DNAI4: variants seen among roughly 807,000 people sequenced by gnomAD.
The protein encoded by DNAI4 is WD repeat domain 78.
A neutral mutation model predicts 105.8 loss-of-function variants in DNAI4; 85 were observed. The observed-to-expected ratio is 0.80, with a 90% CI of 0.67 to 0.96. DNAI4 has a LOEUF of 0.96. Ranked by LOEUF, DNAI4 falls within the 40% of genes least tolerant of loss-of-function variation. The pLI is 0.00. For missense variants in DNAI4, 1,014 were observed against 1,005.6 expected (o/e 1.01, Z -0.11); for synonymous variants, 352 against 331.5 (o/e 1.06, Z -0.67).
chr1:66,923,222 T>G (rs189868148), intron 1 of DNAI4, among the ~76,000 whole-genome samples: 1 of 152,238 alleles, frequency 6.6e-6, no homozygotes, highest in Admixed American at 6.5e-5. Context: ...TTCATCATTA[T>G]GCAAACACCA....
intron 4 of DNAI4, among the ~76,000 whole-genome samples, chr1:66,882,946 T>A (rs968891378): frequency 6.3e-4 from 96 of 152,222 alleles, no homozygotes; most frequent in Non-Finnish European, 9.6e-4. Context: ...TTATTTATTT[T>A]TTTTTACTTC....
chr1:66,823,348 G>C (rs1249879259), intron 15 of DNAI4, among the ~76,000 whole-genome samples: 1 of 151,866 alleles, frequency 6.6e-6, no homozygotes, highest in Non-Finnish European at 1.5e-5. Context: ...TTGCTATTGT[G>C]AATAATGCCG....
intron 1 of DNAI4, among the ~76,000 whole-genome samples, chr1:66,914,351 T>C (rs560365946): frequency 4.6e-4 from 70 of 152,334 alleles, no homozygotes; most frequent in African/African-American, 1.7e-3. Context: ...CTAAATCTGC[T>C]GTTACTTTTC....
chr1:66,920,150 G>A (rs896198136), intron 1 of DNAI4, among the ~76,000 whole-genome samples: 1 of 152,166 alleles, frequency 6.6e-6, no homozygotes, highest in Non-Finnish European at 1.5e-5. Flanking sequence ...AGCAGAAAGA[G>A]AAGCAGCTGG....
intron 4 of DNAI4, among the ~76,000 whole-genome samples, chr1:66,881,728 C>T (rs1344308326): frequency 2.6e-5 from 4 of 152,112 alleles, no homozygotes; most frequent in East Asian, 1.9e-4. Flanking sequence ...TGACTTAAGA[C>T]TTGTGGGGAT....
chr1:66,883,968 C>G (rs1350782447), intron 4 of DNAI4, among the ~76,000 whole-genome samples: 1 of 152,130 alleles, frequency 6.6e-6, no homozygotes, highest in Non-Finnish European at 1.5e-5. Flanking sequence ...ACCCTTTGAT[C>G]ATCTTCTCCC....
rs12061415 is a variant in DNAI4 at position 66,892,991 on chromosome 1, A to G, written c.530+238T>C. ...AAAGAAAGAAAGAAAGAAAGAAAGA[A>G]AGAAAGAGAGAAAGAGAGAGAGGAA... On this transcript the variant is annotated intron_variant, in intron 3 of 16. Coordinates refer to ENST00000371026, the MANE Select transcript of DNAI4 (RefSeq NM_024763.5). 9.8e-4 allele frequency among the ~76,000 whole-genome samples: 106 copies of G among 108,046 alleles called. 4 individuals carry two copies. The highest frequency in any genetic ancestry group is 3.6e-3 in the African/African-American group (85 of 23,772). 70.9% of individuals were successfully genotyped at this position (108,046 alleles called of 152,430 possible).
chr1:66,844,550 A>C (rs371858376), intron 8 of DNAI4, among the ~76,000 whole-genome samples: 6 of 152,068 alleles, frequency 3.9e-5, no homozygotes, highest in South Asian at 4.2e-4. Flanking sequence ...GACAGAGAGT[A>C]AGACTCTGTC....
Position 66,833,631 on chromosome 1 carries a change from A to G in DNAI4, c.1967T>C (p.Leu656Ser). 1 of 1,613,460 alleles carries G rather than the reference A, an allele frequency of 6.2e-7. No homozygotes were observed. Among genetic ancestry groups the G allele is most frequent in the Non-Finnish European group, 8.5e-7 (1 of 1,179,622 alleles). The part of the protein sequence containing the change: ...GGEKEKKDEA[L>S]ISRQAPGMCF... ...CATTCCAGGAGCCTGTCGAGATATCAAAGCTTCATCTTTCTTTTCCTTTTC... is the reference window on the plus strand; with the variant it reads ...CATTCCAGGAGCCTGTCGAGATATCGAAGCTTCATCTTTCTTTTCCTTTTC... The change falls in exon 13 of 17, where the codon TTG (leucine) becomes TCG (serine). Residue 656 changes from leucine to serine, a missense_variant. Transcript: ENST00000371026.
At chr1:66,915,991 G>A (rs896269949) in intron 1 of DNAI4, among the ~76,000 whole-genome samples, 1 of 150,554 alleles carries the variant, frequency 6.6e-6, no homozygotes, top group African/African-American at 2.4e-5. Context: ...GTGTGGTGGT[G>A]TGCACCTATA....
intron 13 of DNAI4, among the ~76,000 whole-genome samples, chr1:66,830,739 C>A (rs1231782021): frequency 1.3e-5 from 2 of 151,182 alleles, no homozygotes; most frequent in African/African-American, 2.4e-5. Context: ...CAAGATCACT[C>A]CACTGCACTC....
chr1:66,890,890 A>T lies in DNAI4; in HGVS notation c.643+264T>A, dbSNP rs1490650797. The stretch of plus-strand genomic sequence containing the variant: ...AGGAAGAAGAAGAAGAAGAAGCAGA[A>T]GCAGCAGCAGCAACAGCAGCAGCAG... On this transcript the variant is annotated intron_variant, in intron 4 of 16. Transcript: ENST00000371026. This position sits in a 1 kb window ranked among gnomAD's most constrained non-coding sequence, Gnocchi z 4.1. 6.1e-6 allele frequency: 3 copies of T among 492,856 alleles called. No individual in the cohort carries two copies. Among genetic ancestry groups the T allele is most frequent in the African/African-American group, 2.0e-5 (1 of 50,490 alleles). The allele number at this position is 492,856 out of a possible 1,614,324, so 30.5% of individuals were successfully genotyped here.
At chr1:66,858,532 C>CAAAAAAAAAAAAAAA (rs3033717) in intron 7 of DNAI4, among the ~76,000 whole-genome samples, 10 of 63,544 alleles carry the variant, frequency 1.6e-4, no homozygotes, top group South Asian at 7.1e-4. Flanking sequence ...GACTCCGTCT[C>CAAAAAAAAAAAAAAA]AAAAAAAAAA....
chr1:66,846,997 A>G (rs1020714310), intron 8 of DNAI4, among the ~76,000 whole-genome samples: 6 of 152,234 alleles, frequency 3.9e-5, no homozygotes, highest in African/African-American at 1.4e-4. Context: ...AGAAAGTAAC[A>G]ATGACAATGG....
At chr1:66,882,022 G>A (rs901726304) in intron 4 of DNAI4, among the ~76,000 whole-genome samples, 1 of 152,194 alleles carries the variant, frequency 6.6e-6, no homozygotes. Context: ...TGCCATCCAT[G>A]TGAGATATGA....
intron 7 of DNAI4, among the ~76,000 whole-genome samples, chr1:66,859,886 AATGGTAGAAAC>A (rs1223696460): frequency 6.6e-6 from 1 of 152,292 alleles, no homozygotes; most frequent in East Asian, 1.9e-4. Context: ...ATAAAACTGT[AATGGTAGAAAC>A]ATGCCGTTAT....
Position 66,840,609 on chromosome 1 carries a change from C to A in DNAI4, c.1354G>T (p.Glu452Ter), listed in dbSNP as rs1442389818. Residue 452 changes from glutamate to a stop codon, truncating the protein, a stop_gained, in exon 9 of 17, where the codon GAA (glutamate) becomes TAA (stop). Transcript: ENST00000371026. LOFTEE classifies it high-confidence loss of function. ...TCTTCTTCCTCCTCCTTCTTAGATTCTTCCTCTACCTCTTCATGTTTTGCA... is the reference window on the plus strand; with the variant it reads ...TCTTCTTCCTCCTCCTTCTTAGATTATTCCTCTACCTCTTCATGTTTTGCA... Reference protein sequence around the residue: ...ESAKHEEVEEESKKEEEEEIH... With the variant: ...ESAKHEEVEE The A allele has an allele frequency of 1.2e-6, 2 of 1,614,160 alleles. No homozygotes were observed. The highest frequency in any genetic ancestry group is 1.3e-5 in the African/African-American group (1 of 75,046).
At chr1:66,862,522 C>T (rs1213572332) in intron 6 of DNAI4, among the ~76,000 whole-genome samples, 1 of 151,932 alleles carries the variant, frequency 6.6e-6, no homozygotes, top group Non-Finnish European at 1.5e-5. Flanking sequence ...AATAAATAGC[C>T]ACTGCACTCT....
intron 1 of DNAI4, among the ~76,000 whole-genome samples, chr1:66,919,961 G>A (rs1557990569): frequency 6.6e-6 from 1 of 152,230 alleles, no homozygotes; most frequent in Non-Finnish European, 1.5e-5. Context: ...ATAGGAAGCA[G>A]GGAAATTCTG....
Sources: allele counts gnomAD v4.1 joint callset (sites outside exome capture counted in the v4.1 genomes callset), GRCh38; gene constraint gnomAD v4.1.1; non-coding constraint Gnocchi (gnomAD v3.1); transcripts MANE v1.5; gene names NCBI Gene and HGNC (gene_info 2026-07-23, HGNC 2026-07-21).